MYO9B: variants seen among roughly 807,000 people sequenced by gnomAD.
The protein encoded by MYO9B is myosin IXB.
Under a neutral mutation model 229.5 loss-of-function variants are expected in MYO9B, and 71 were observed. The observed-to-expected ratio is 0.31, with a 90% CI of 0.26 to 0.38. The LOEUF (loss-of-function observed/expected upper bound fraction) is 0.38, where lower values mean the gene tolerates loss of function less well. Ranked by LOEUF, MYO9B falls within the 10% of genes least tolerant of loss-of-function variation. The probability of loss-of-function intolerance (pLI) is 1.00; values close to 1 mark genes in which losing one functional copy is unlikely to be tolerated. For synonymous variants in MYO9B, 1,185 were observed against 1,235.8 expected (o/e 0.96, Z 0.86); for missense variants, 2,255 against 2,920.5 (o/e 0.77, Z 5.25).
intron 1 of MYO9B, among the ~76,000 whole-genome samples, chr19:17,093,782 C>T (rs925321850): frequency 1.3e-5 from 2 of 152,006 alleles, no homozygotes; most frequent in South Asian, 2.1e-4. Context: ...AGCCTCCACC[C>T]GCTGGGCTCA....
At chr19:17,185,226 T>G (rs528979937) in intron 17 of MYO9B, among the ~76,000 whole-genome samples, 11 of 151,958 alleles carry the variant, frequency 7.2e-5, no homozygotes, top group African/African-American at 2.4e-4. Flanking sequence ...ATACAAAAAT[T>G]AGCCGGGCGT....
intron 13 of MYO9B, among the ~76,000 whole-genome samples, chr19:17,173,638 G>A (rs975453397): frequency 1.3e-5 from 2 of 152,088 alleles, no homozygotes; most frequent in African/African-American, 2.4e-5. Context: ...TTCTCTACTG[G>A]GAACCCAGCC....
chr19:17,198,822 G>A (rs987991740), intron 24 of MYO9B, among the ~76,000 whole-genome samples: 3 of 150,178 alleles, frequency 2.0e-5, no homozygotes. Context: ...TCCTTGGCTT[G>A]TGGCTCCATC....
chr19:17,185,555 A>AC (rs981953474), intron 17 of MYO9B, among the ~76,000 whole-genome samples: 31 of 150,514 alleles, frequency 2.1e-4, no homozygotes, highest in African/African-American at 7.0e-4. Context: ...TCAAAAAAAA[A>AC]AAAACAAAAC....
chr19:17,105,094 C>T (rs2057780438), intron 2 of MYO9B, among the ~76,000 whole-genome samples: 1 of 152,044 alleles, frequency 6.6e-6, no homozygotes, highest in South Asian at 2.1e-4. Context: ...TTCTCACTGC[C>T]TCCACAGTTC....
In MYO9B at chr19:17,200,627, GT is replaced by G. The variant is rs2073096567; in HGVS notation, c.4373-11del. 6.2e-7 allele frequency: 1 copy of G among 1,605,966 alleles called. No individual in the cohort carries two copies. On this transcript the variant is annotated splice_polypyrimidine_tract_variant and intron_variant, in intron 25 of 39. Transcript: ENST00000682292. ...AACCCACCCTCACCGGCTGCTTCCT[GT>G]CCCCCCTCAGCCCCCTCCGGACAGC...
At chr19:17,109,801 C>T (rs2057829877) in intron 2 of MYO9B, among the ~76,000 whole-genome samples, 1 of 152,242 alleles carries the variant, frequency 6.6e-6, no homozygotes, top group African/African-American at 2.4e-5. Flanking sequence ...CCTTGCCTTT[C>T]TCTCATGGGA....
At chr19:17,169,371 CA>C (rs58898086) in intron 11 of MYO9B, among the ~76,000 whole-genome samples, 29,472 of 88,416 alleles carry the variant, frequency 0.33, 2,584 homozygotes, top group African/African-American at 0.38. Flanking sequence ...GACTCTGTCT[CA>C]AAAAAAAAAA....
chr19:17,188,067 C>CTGGACACA, intron 19 of MYO9B, 22 bp downstream of exon 19: 1 of 1,542,958 alleles, frequency 6.5e-7, no homozygotes. Flanking sequence ...GCACATATAC[C>CTGGACACA]TGGACACACC....
chr19:17,145,617 C>T (rs1158221305), intron 3 of MYO9B, 126 bp downstream of exon 3: 6 of 843,288 alleles, frequency 7.1e-6, no homozygotes, highest in African/African-American at 1.7e-5. Context: ...TATGGGAGAG[C>T]GAGTGTGATT....
intron 1 of MYO9B, among the ~76,000 whole-genome samples, chr19:17,079,018 A>T (rs1193984081): frequency 6.6e-6 from 1 of 152,208 alleles, no homozygotes; most frequent in Non-Finnish European, 1.5e-5. Context: ...TAGAATGTGG[A>T]ATAGTGTCCC....
chr19:17,093,353 A>G (rs2057656567), intron 1 of MYO9B, among the ~76,000 whole-genome samples: 1 of 151,724 alleles, frequency 6.6e-6, no homozygotes, highest in Non-Finnish European at 1.5e-5. Flanking sequence ...AAAGAAAAAG[A>G]CATATATCTT....
chr19:17,114,517 G>T (rs2057881468), intron 2 of MYO9B, among the ~76,000 whole-genome samples: 1 of 152,114 alleles, frequency 6.6e-6, no homozygotes, highest in South Asian at 2.1e-4. Flanking sequence ...GCTCTTCCAG[G>T]TGCACTGAGT....
At chr19:17,197,242 A>G (rs1599416673) in intron 22 of MYO9B, among the ~76,000 whole-genome samples, 1 of 150,532 alleles carries the variant, frequency 6.6e-6, no homozygotes, top group South Asian at 2.1e-4. Context: ...ACACCATTGC[A>G]CTCCAGCCTG....
rs975321767 is a variant in MYO9B at position 17,181,039 on chromosome 19, C to T, written c.2332C>T (p.Leu778=). The change falls in exon 15 of 40, where the codon CTG becomes TTG. Residue 778 remains leucine, a splice_region_variant and synonymous_variant. Transcript: ENST00000682292. ...SRLQKPRAFI[L]KSKGIKQKQI... ...GCTCCAGAAACCCCGCGCCTTCATC[C>T]TGTGAGTCCCCCACCAAGGCCCTGC... The T allele has an allele frequency of 6.2e-7, 1 of 1,601,886 alleles. No individual in the cohort carries two copies. The highest frequency in any genetic ancestry group is 8.5e-7 in the Non-Finnish European group (1 of 1,172,036).
At chr19:17,138,372 T>C (rs969951128) in intron 2 of MYO9B, among the ~76,000 whole-genome samples, 3 of 152,220 alleles carry the variant, frequency 2.0e-5, no homozygotes, top group Non-Finnish European at 4.4e-5. Context: ...CGTGTGCATG[T>C]ATCTCTATCG....
chr19:17,125,309 C>CG (rs879861138), intron 2 of MYO9B, among the ~76,000 whole-genome samples: 1,822 of 120,854 alleles, frequency 0.015, 86 homozygotes, highest in African/African-American at 0.055. Flanking sequence ...CCCCCCCCCC[C>CG]AAAAAAAGGG....
At chr19:17,076,237 C>G (rs901576198) in intron 1 of MYO9B, among the ~76,000 whole-genome samples, 14 of 150,742 alleles carry the variant, frequency 9.3e-5, no homozygotes, top group African/African-American at 3.4e-4. Flanking sequence ...GGGGAGTGGG[C>G]AAGGCCAGGG....
rs201759976 is a variant in MYO9B at position 17,211,751 on chromosome 19, G to A, written c.6035G>A (p.Arg2012Gln). Residue 2012 changes from arginine (R) to glutamine (Q), a missense_variant, in exon 39 of 40, where the codon CGG (arginine) becomes CAG (glutamine). Arg to Gln is a conservative substitution (Grantham distance 43, BLOSUM62 1). Transcript: ENST00000682292. Reference protein sequence around the residue: ...SASTESLLEERAGRGASEGPP... With the variant: ...SASTESLLEEQAGRGASEGPP... ...AGCACCGAGAGCCTGCTGGAGGAGC[G>A]GGCCGGGCGGGGGGCCTCGGAAGGT... is the stretch of plus-strand genomic sequence containing the variant. 917 of 1,613,028 alleles carry A rather than the reference G, an allele frequency of 5.7e-4. 5 individuals carry two copies. In the African/African-American group the frequency reaches 0.011, roughly 19 times the overall value.
Sources: allele counts gnomAD v4.1 joint callset (sites outside exome capture counted in the v4.1 genomes callset), GRCh38; gene constraint gnomAD v4.1.1; transcripts MANE v1.5; gene names NCBI Gene and HGNC (gene_info 2026-07-23, HGNC 2026-07-21).